Variants in APBB1IP observed in about 807,000 individuals in gnomAD.
The protein encoded by APBB1IP is amyloid beta A4 precursor protein-binding family B member 1-interacting protein.
Under a neutral mutation model 64.9 loss-of-function variants are expected in APBB1IP, and 27 were observed. The ratio of observed to expected loss-of-function variants is 0.42; its 90% confidence interval spans 0.31 to 0.57. The LOEUF (loss-of-function observed/expected upper bound fraction) is 0.57, where lower values mean the gene tolerates loss of function less well. APBB1IP is among the 20% of genes least tolerant of loss of function. The probability of loss-of-function intolerance (pLI) is 0.20; values close to 1 mark genes in which losing one functional copy is unlikely to be tolerated. For synonymous variants in APBB1IP, 392 were observed against 331.0 expected (o/e 1.18, Z -2.00); for missense variants, 812 against 845.5 (o/e 0.96, Z 0.49).
chr10:26,545,913 T>C lies in APBB1IP; in HGVS notation c.1155+4221T>C, dbSNP rs888757252. ...TTGCAGTGAGCCAAGATCACGCCAC[T>C]GCACTCCAGCCTGGGCGACGGAGTG... On this transcript the variant is annotated intron_variant, in intron 11 of 14. Transcript: ENST00000376236. 3.3e-5 allele frequency among the ~76,000 whole-genome samples: 5 copies of C among 152,130 alleles called. No homozygotes were observed. In the East Asian group the frequency reaches 9.7e-4, roughly 29 times the overall value.
chr10:26,514,897 A>G (rs975383546), intron 8 of APBB1IP, among the ~76,000 whole-genome samples: 1 of 151,674 alleles, frequency 6.6e-6, no homozygotes, highest in African/African-American at 2.4e-5. Flanking sequence ...TTGTTAGACA[A>G]AGTCTTCTTC....
chr10:26,533,748 G>A (rs1278869769), intron 9 of APBB1IP, among the ~76,000 whole-genome samples: 4 of 152,046 alleles, frequency 2.6e-5, no homozygotes, highest in Admixed American at 6.6e-5. Context: ...AATGAAGCTG[G>A]ATTTGTAATT....
chr10:26,496,157 A>G, intron 3 of APBB1IP, 147 bp from the exon 4 acceptor site: 2 of 494,494 alleles, frequency 4.0e-6, no homozygotes, highest in Non-Finnish European at 7.0e-6. Context: ...ATTACATAAA[A>G]CATTTTCAAG....
rs1314335534 is a variant in APBB1IP at position 26,567,281 on chromosome 10, GC to G, written c.1799del (p.Pro600ArgfsTer56). On this transcript the variant is annotated frameshift_variant, in exon 15 of 15. Transcript: ENST00000376236. LOFTEE classifies it low-confidence loss of function (END_TRUNC). Reference sequence around the variant, plus strand: ...ACGCAGGGATCGCGGGCTCAGAGCTGCCCCCGCCGCCGCCGCCGCCGCCCGC... The same window carrying G: ...ACGCAGGGATCGCGGGCTCAGAGCTGCCCCGCCGCCGCCGCCGCCGCCCGC... ...SYAGIAGSEL[P>X]PPPPPPPAPA... is the part of the protein sequence containing the mutation. 8.9e-7 allele frequency: 1 copy of G among 1,118,252 alleles called. No homozygotes were observed. Among genetic ancestry groups the G allele is most frequent in the Admixed American group, 5.0e-5 (1 of 19,874 alleles). The allele number at this position is 1,118,252 out of a possible 1,614,324, so 69.3% of individuals were successfully genotyped here.
intron 2 of APBB1IP, among the ~76,000 whole-genome samples, chr10:26,471,212 T>A (rs753171262): frequency 6.6e-5 from 10 of 152,324 alleles, no homozygotes; most frequent in East Asian, 3.9e-4. Context: ...CTGCATCATG[T>A]GGCTCAGTGG....
intron 6 of APBB1IP, among the ~76,000 whole-genome samples, chr10:26,506,993 G>A (rs787034): frequency 0.14 from 21,344 of 152,080 alleles, 1,554 homozygotes; most frequent in African/African-American, 0.19. Context: ...GGGCATTCCC[G>A]GCAGAGGGAA....
intron 8 of APBB1IP, among the ~76,000 whole-genome samples, chr10:26,516,958 C>G (rs1390052431): frequency 6.6e-6 from 1 of 152,096 alleles, no homozygotes; most frequent in Non-Finnish European, 1.5e-5. Context: ...ATTTATTCAG[C>G]TCCTTTGCAG....
At chr10:26,494,951 G>A (rs1836001625) in intron 3 of APBB1IP, among the ~76,000 whole-genome samples, 1 of 152,028 alleles carries the variant, frequency 6.6e-6, no homozygotes, top group African/African-American at 2.4e-5. Flanking sequence ...CTTAGAGGAA[G>A]GGGTGCTGGT....
intron 2 of APBB1IP, among the ~76,000 whole-genome samples, chr10:26,464,214 T>C (rs1310083245): frequency 6.6e-6 from 1 of 152,186 alleles, no homozygotes; most frequent in Non-Finnish European, 1.5e-5. Flanking sequence ...CATCCTTCCA[T>C]GCTTTCCAGA....
chr10:26,555,423 T>C (rs540061735), intron 11 of APBB1IP, among the ~76,000 whole-genome samples: 17 of 152,332 alleles, frequency 1.1e-4, no homozygotes, highest in African/African-American at 3.6e-4. Flanking sequence ...ATTCTGTCGC[T>C]TCTTCCAAAG....
chr10:26,558,068 T>G (rs1171380129), intron 11 of APBB1IP, among the ~76,000 whole-genome samples: 1 of 151,786 alleles, frequency 6.6e-6, no homozygotes, highest in Non-Finnish European at 1.5e-5. Context: ...AGGATTATCC[T>G]AGCAGGATTA....
At position 26,544,084 on chromosome 10, in the gene APBB1IP, G is replaced by A. The variant is rs371454487; in HGVS notation, c.1155+2392G>A. 4.6e-5 allele frequency among the ~76,000 whole-genome samples: 7 copies of A among 152,224 alleles called. No homozygotes were observed. In the East Asian group the frequency reaches 5.8e-4, roughly 13 times the overall value. On this transcript the variant is annotated intron_variant, in intron 11 of 14. Transcript: ENST00000376236. ...GTCAGAATGAGAACTCAGGCAGTGC[G>A]GCTCAGAGGCCGTTCTCTCAGACAG...
chr10:26,460,934 T>C (rs1340004319), intron 2 of APBB1IP, among the ~76,000 whole-genome samples: 3 of 152,194 alleles, frequency 2.0e-5, no homozygotes, highest in Admixed American at 6.5e-5. Context: ...GTTTTCCACA[T>C]TGGCTTTCAC....
chr10:26,481,857 G>T (rs1287055732), intron 2 of APBB1IP, among the ~76,000 whole-genome samples: 2 of 151,452 alleles, frequency 1.3e-5, no homozygotes, highest in African/African-American at 4.9e-5. Context: ...GTGTGTGTGT[G>T]TGTGTGTGTG....
At chr10:26,562,529 G>A (rs1410114415) in intron 14 of APBB1IP, 100 bp downstream of exon 14, 6 of 982,654 alleles carry the variant, frequency 6.1e-6, no homozygotes, top group Non-Finnish European at 9.4e-6. Flanking sequence ...GCTGAGTGCA[G>A]TAGCTCACAC....
At chr10:26,561,169 C>T (rs1045806427) in intron 13 of APBB1IP, among the ~76,000 whole-genome samples, 12 of 138,712 alleles carry the variant, frequency 8.7e-5, no homozygotes, top group Non-Finnish European at 1.7e-4. Context: ...CCTGGGTTCA[C>T]ACCGTTCTCC....
intron 11 of APBB1IP, among the ~76,000 whole-genome samples, chr10:26,546,051 G>A (rs1385010430): frequency 1.3e-5 from 2 of 152,216 alleles, no homozygotes; most frequent in African/African-American, 4.8e-5. Flanking sequence ...TTCATGAAAG[G>A]TCCTGTCAGA....
At chr10:26,540,033 T>A (rs1836678188) in intron 10 of APBB1IP, among the ~76,000 whole-genome samples, 1 of 152,226 alleles carries the variant, frequency 6.6e-6, no homozygotes, top group Admixed American at 6.6e-5. Context: ...AAAATCTATG[T>A]ACATGTAACA....
At chr10:26,509,202 A>G (rs1340172648) in intron 6 of APBB1IP, among the ~76,000 whole-genome samples, 1 of 152,200 alleles carries the variant, frequency 6.6e-6, no homozygotes, top group Non-Finnish European at 1.5e-5. Context: ...CCTACCATTT[A>G]TAGTTGGGCC....
Sources: gnomAD v4.1 joint callset for allele counts (sites outside exome capture counted in the v4.1 genomes callset) on GRCh38, gnomAD v4.1.1 for gene constraint, MANE v1.5 for transcripts, NCBI Gene and HGNC (gene_info 2026-07-23, HGNC 2026-07-21) for gene names.